ST18: variants seen among roughly 807,000 people sequenced by gnomAD.
The protein encoded by ST18 is ST18 C2H2C-type zinc finger transcription factor, also known as suppression of tumorigenicity 18 protein.
A neutral mutation model predicts 110.0 loss-of-function variants in ST18; 50 were observed. The observed-to-expected ratio is 0.45, with a 90% CI of 0.36 to 0.58. ST18 has a LOEUF of 0.58. Among genes scored for constraint, ST18 ranks in the 20% least tolerant of loss-of-function variants. The pLI, the probability that ST18 is intolerant of heterozygous loss-of-function variation, is 0.00. For missense variants in ST18, 1,306 were observed against 1,280.1 expected (o/e 1.02, Z -0.31); for synonymous variants, 461 against 452.4 (o/e 1.02, Z -0.24).
At position 52,250,943 on chromosome 8, in the gene ST18, G is replaced by T. The variant is rs572868216; in HGVS notation, c.-464-20866C>A. On this transcript the variant is annotated intron_variant, in intron 2 of 25. Coordinates refer to ENST00000689386, the MANE Select transcript of ST18 (RefSeq NM_001352837.2). ...GAGTTTAAACAGTTCAAGACTCTTG[G>T]TATTAAACCCCCATTATTTTTATGT... Among the ~76,000 whole-genome samples, 11 of 152,192 alleles carry T rather than the reference G, an allele frequency of 7.2e-5. 1 individual carries two copies. Among genetic ancestry groups the T allele is most frequent in the African/African-American group, 2.6e-4 (11 of 41,530 alleles).
chr8:52,387,476 C>T (rs1837284664), intron 2 of ST18, among the ~76,000 whole-genome samples: 1 of 152,154 alleles, frequency 6.6e-6, no homozygotes, highest in African/African-American at 2.4e-5. Flanking sequence ...TGAGATCATA[C>T]TTCTCTTGAA....
At chr8:52,169,827 T>C (rs1191658341) in intron 10 of ST18, among the ~76,000 whole-genome samples, 4 of 152,180 alleles carry the variant, frequency 2.6e-5, no homozygotes, top group Non-Finnish European at 5.9e-5. Flanking sequence ...GTCTTGATCT[T>C]GCAGAGGCTG....
At chr8:52,334,777 T>C (rs966615928) in intron 2 of ST18, among the ~76,000 whole-genome samples, 5 of 152,202 alleles carry the variant, frequency 3.3e-5, no homozygotes, top group Non-Finnish European at 1.5e-5. Flanking sequence ...TTCCAAGGAC[T>C]GGATCGAACC....
chr8:52,138,613 G>A (rs1166744569), intron 17 of ST18, among the ~76,000 whole-genome samples: 1 of 151,968 alleles, frequency 6.6e-6, no homozygotes, highest in Non-Finnish European at 1.5e-5. Flanking sequence ...TAAGAAGGTA[G>A]TTAGTTATCC....
At chr8:52,286,769 C>T (rs749502671) in intron 2 of ST18, among the ~76,000 whole-genome samples, 1 of 150,734 alleles carries the variant, frequency 6.6e-6, no homozygotes, top group Non-Finnish European at 1.5e-5. Flanking sequence ...TATCTGGCTA[C>T]TAGATAATCA....
chr8:52,303,206 C>A (rs1382917479), intron 2 of ST18, among the ~76,000 whole-genome samples: 1 of 152,182 alleles, frequency 6.6e-6, no homozygotes, highest in Non-Finnish European at 1.5e-5. Context: ...GACCATGCAC[C>A]CTCTGAAGGC....
At chr8:52,238,239 G>A (rs374173298) in intron 2 of ST18, among the ~76,000 whole-genome samples, 23 of 152,152 alleles carry the variant, frequency 1.5e-4, no homozygotes, top group East Asian at 3.9e-4. Context: ...GAAAACATGC[G>A]TCTACTTGAG....
At chr8:52,227,157 C>T (rs2136685825) in intron 3 of ST18, among the ~76,000 whole-genome samples, 1 of 152,160 alleles carries the variant, frequency 6.6e-6, no homozygotes, top group East Asian at 1.9e-4. Flanking sequence ...GGATTTTATT[C>T]TCACTACAGT....
intron 2 of ST18, chr8:52,407,489 T>C (rs1284888084): frequency 2.0e-5 from 3 of 152,148 alleles, no homozygotes. Flanking sequence ...AGCTGCATAA[T>C]GAATATTTGT....
At chr8:52,345,685 C>T (rs1381103980) in intron 2 of ST18, among the ~76,000 whole-genome samples, 2 of 152,182 alleles carry the variant, frequency 1.3e-5, no homozygotes, top group African/African-American at 4.8e-5. Flanking sequence ...CCTCTAAAGA[C>T]TTGTCATTAA....
intron 8 of ST18, chr8:52,194,486 G>A (rs1325405792): frequency 6.6e-6 from 1 of 152,194 alleles, no homozygotes; most frequent in African/African-American, 2.4e-5. Flanking sequence ...TGAGGTCTGT[G>A]TGTTAGGAGC....
intron 2 of ST18, among the ~76,000 whole-genome samples, chr8:52,246,108 T>C (rs2137951415): frequency 6.6e-6 from 1 of 152,240 alleles, no homozygotes; most frequent in Middle Eastern, 3.4e-3. Context: ...CGTAAAGAAA[T>C]TCAGATATCT....
At position 52,143,132 on chromosome 8, in the gene ST18, G is replaced by A; in HGVS notation, c.2053-87C>T. The A allele has an allele frequency of 3.5e-6, 3 of 862,280 alleles. No homozygotes were observed. In the South Asian group the frequency reaches 4.6e-5, roughly 13 times the overall value. The allele number at this position is 862,280 out of a possible 1,614,324, so 53.4% of individuals were successfully genotyped here. On this transcript the variant is annotated intron_variant, in intron 16 of 25. Transcript: ENST00000689386. Reference sequence around the variant, plus strand: ...CTAGATTTAAAATCATTGAAGCCAGGTTTGAGTTTTGGCTTTGGACTTGGA... The same window carrying A: ...CTAGATTTAAAATCATTGAAGCCAGATTTGAGTTTTGGCTTTGGACTTGGA...
chr8:52,189,150 C>T (rs1160821288), intron 8 of ST18, among the ~76,000 whole-genome samples: 1 of 152,168 alleles, frequency 6.6e-6, no homozygotes, highest in Non-Finnish European at 1.5e-5. Context: ...CAATAACCAA[C>T]ATCATCACAC....
chr8:52,118,314 T>A lies in ST18; in HGVS notation c.2859+24A>T, dbSNP rs1449739783. ...CCAAAGATTATGATTACATTAAGGATCATGAATTACTTCTTTTTTTTACCT... is the reference window on the plus strand; with the variant it reads ...CCAAAGATTATGATTACATTAAGGAACATGAATTACTTCTTTTTTTTACCT... On this transcript the variant is annotated intron_variant, in intron 24 of 25. Coordinates refer to ENST00000689386, the MANE Select transcript of ST18 (RefSeq NM_001352837.2). 6 of 1,463,914 alleles carry A rather than the reference T, an allele frequency of 4.1e-6. No individual in the cohort carries two copies. In the South Asian group the frequency reaches 4.8e-5, roughly 12 times the overall value. 90.7% of individuals were successfully genotyped at this position (1,463,914 alleles called of 1,614,324 possible).
intron 2 of ST18, among the ~76,000 whole-genome samples, chr8:52,327,993 A>G (rs972508100): frequency 6.6e-6 from 1 of 152,198 alleles, no homozygotes; most frequent in African/African-American, 2.4e-5. Context: ...CTGATATCCC[A>G]TCTGGAAAAT....
chr8:52,114,461 C>T (rs577904424), intron 25 of ST18, among the ~76,000 whole-genome samples: 48 of 152,294 alleles, frequency 3.2e-4, no homozygotes, highest in Non-Finnish European at 5.7e-4. Context: ...AGACTTACTT[C>T]GCAAAGGTGC....
chr8:52,184,022 G>T (rs966158759), intron 8 of ST18, among the ~76,000 whole-genome samples: 1 of 152,042 alleles, frequency 6.6e-6, no homozygotes, highest in Non-Finnish European at 1.5e-5. Flanking sequence ...TTCCCTGAGG[G>T]CACACTATTT....
chr8:52,135,293 G>A (rs182154290), intron 19 of ST18, among the ~76,000 whole-genome samples: 18 of 152,132 alleles, frequency 1.2e-4, no homozygotes, highest in African/African-American at 4.3e-4. Context: ...GGCCAGGCAC[G>A]GTGGCTCATA....
Sources: gnomAD v4.1 joint callset for allele counts (sites outside exome capture counted in the v4.1 genomes callset) on GRCh38, gnomAD v4.1.1 for gene constraint, MANE v1.5 for transcripts, NCBI Gene and HGNC (gene_info 2026-07-23, HGNC 2026-07-21) for gene names.